Variants in RABGAP1L observed in about 807,000 individuals in gnomAD.
The protein encoded by RABGAP1L is RAB GTPase activating protein 1 like, also known as rab GTPase-activating protein 1-like.
A neutral mutation model predicts 137.7 loss-of-function variants in RABGAP1L; 63 were observed. That is an observed-to-expected ratio of 0.46 (90% CI 0.37 to 0.56). RABGAP1L has a LOEUF of 0.56. Among genes scored for constraint, RABGAP1L ranks in the 20% least tolerant of loss-of-function variants. The pLI is 0.00. For synonymous variants in RABGAP1L, 431 were observed against 433.7 expected, an observed-to-expected ratio of 0.99 and a Z score of 0.08; for missense variants, 1,095 against 1,244.0, an observed-to-expected ratio of 0.88 and a Z score of 1.80.
At chr1:174,298,970 C>G (rs1188088540) in intron 10 of RABGAP1L, among the ~76,000 whole-genome samples, 1 of 152,176 alleles carries the variant, frequency 6.6e-6, no homozygotes, top group Non-Finnish European at 1.5e-5. Flanking sequence ...TAGGTGAAAA[C>G]TTAAAAACAA....
chr1:174,518,461 C>T (rs945217551), intron 13 of RABGAP1L, among the ~76,000 whole-genome samples: 3 of 152,018 alleles, frequency 2.0e-5, no homozygotes, highest in Non-Finnish European at 4.4e-5. Flanking sequence ...ATTTAAATAG[C>T]TATTAAGTGT....
rs1676130643 is a variant in RABGAP1L at position 174,658,480 on chromosome 1, T to A, written c.1824+20992T>A. Among the ~76,000 whole-genome samples, 4 of 152,208 alleles carry A rather than the reference T, an allele frequency of 2.6e-5. 1 individual carries two copies. In the South Asian group the frequency reaches 8.3e-4, roughly 32 times the overall value. On this transcript the variant is annotated intron_variant, in intron 14 of 25. Transcript: ENST00000681986. ...GGGAGAAATGTAGCTCCCATTATCC[T>A]TAATATATTTATCTTTTTGAGCAGT...
At chr1:174,596,461 T>G (rs781236566) in intron 13 of RABGAP1L, among the ~76,000 whole-genome samples, 4 of 152,218 alleles carry the variant, frequency 2.6e-5, no homozygotes, top group African/African-American at 9.6e-5. Flanking sequence ...TCCTAGATAA[T>G]TTATTTGTAG....
Position 174,242,024 on chromosome 1 carries a change from T to G in RABGAP1L, c.717+367T>G, listed in dbSNP as rs548016259. Among the ~76,000 whole-genome samples, 8 of 152,352 alleles carry G rather than the reference T, an allele frequency of 5.3e-5. No homozygotes were observed. In the East Asian group the frequency reaches 1.3e-3, roughly 26 times the overall value. On this transcript the variant is annotated intron_variant, in intron 5 of 25. Coordinates refer to ENST00000681986, the MANE Select transcript of RABGAP1L (RefSeq NM_001366446.1). ...AAAAGTGCCTATAACGATACCTGTT[T>G]CTCTGATGGGCTTGATAGTTGCATA...
chr1:174,663,785 G>A (rs1267103656), intron 14 of RABGAP1L, among the ~76,000 whole-genome samples: 2 of 152,144 alleles, frequency 1.3e-5, no homozygotes, highest in Non-Finnish European at 2.9e-5. Flanking sequence ...TCAAGTTCAG[G>A]TGGAACAAGT....
At chr1:174,970,041 AAAAC>A (rs1235483726) in intron 21 of RABGAP1L, among the ~76,000 whole-genome samples, 1 of 152,238 alleles carries the variant, frequency 6.6e-6, no homozygotes, top group Non-Finnish European at 1.5e-5. Flanking sequence ...TTCAAAAACA[AAAAC>A]AAAAACTGTG....
intron 11 of RABGAP1L, among the ~76,000 whole-genome samples, chr1:174,316,980 A>G (rs1451114597): frequency 6.6e-6 from 1 of 152,006 alleles, no homozygotes; most frequent in Non-Finnish European, 1.5e-5. Context: ...TTTAAGGTCC[A>G]AGGGCTCTGA....
At chr1:174,322,217 A>C (rs182730184) in intron 11 of RABGAP1L, among the ~76,000 whole-genome samples, 1 of 152,202 alleles carries the variant, frequency 6.6e-6, no homozygotes. Flanking sequence ...TAGATTTTAC[A>C]TATAGGTCTG....
chr1:174,404,200 A>G (rs1648989447), intron 13 of RABGAP1L, among the ~76,000 whole-genome samples: 1 of 152,212 alleles, frequency 6.6e-6, no homozygotes, highest in South Asian at 2.1e-4. Flanking sequence ...TAGAATACAG[A>G]AGAGATCGTG....
intron 4 of RABGAP1L, among the ~76,000 whole-genome samples, chr1:174,234,359 G>GT (rs1670963398): frequency 7.5e-6 from 1 of 132,770 alleles, no homozygotes; most frequent in South Asian, 2.3e-4. Context: ...TGTCCTGAAT[G>GT]GTAATGCCTA....
intron 12 of RABGAP1L, among the ~76,000 whole-genome samples, chr1:174,380,314 G>T (rs1033035066): frequency 2.6e-5 from 4 of 152,254 alleles, no homozygotes; most frequent in Middle Eastern, 3.4e-3. Flanking sequence ...AAATGAGTTA[G>T]GGAGGATTCC....
chr1:174,398,007 G>T (rs1439302516), intron 13 of RABGAP1L, among the ~76,000 whole-genome samples: 1 of 152,164 alleles, frequency 6.6e-6, no homozygotes, highest in Non-Finnish European at 1.5e-5. Context: ...ATCTGAACCA[G>T]CCAAAGGAAG....
At position 174,435,170 on chromosome 1, in the gene RABGAP1L, C is replaced by G. The variant is rs1653110015; in HGVS notation, c.1710+41025C>G. ...AGGTAGCTGAGACTACAGGTGTGCACCACCACACCCAGCTAAATTTTGTTT... is the reference window on the plus strand; with the variant it reads ...AGGTAGCTGAGACTACAGGTGTGCAGCACCACACCCAGCTAAATTTTGTTT... On this transcript the variant is annotated intron_variant, in intron 13 of 25. Transcript: ENST00000681986. Among the ~76,000 whole-genome samples, 3 of 152,038 alleles carry G rather than the reference C, an allele frequency of 2.0e-5. No homozygotes were observed. In the South Asian group the frequency reaches 6.2e-4, roughly 31 times the overall value.
At chr1:174,944,159 G>C (rs1348906927) in intron 19 of RABGAP1L, among the ~76,000 whole-genome samples, 3 of 150,196 alleles carry the variant, frequency 2.0e-5, no homozygotes, top group Non-Finnish European at 4.4e-5. Context: ...TGTAATCCTA[G>C]CTACTTACTC....
intron 19 of RABGAP1L, among the ~76,000 whole-genome samples, chr1:174,827,059 G>A (rs371156808): frequency 2.0e-5 from 3 of 152,120 alleles, no homozygotes; most frequent in African/African-American, 7.2e-5. Flanking sequence ...GTTTCCACAT[G>A]GGATGGTCAC....
intron 13 of RABGAP1L, among the ~76,000 whole-genome samples, chr1:174,546,891 G>A (rs998043580): frequency 2.0e-5 from 3 of 150,982 alleles, no homozygotes; most frequent in Non-Finnish European, 3.0e-5. Context: ...TTAGCCGGGC[G>A]TGGTGGCGGG....
At chr1:174,895,540 C>G (rs1657002180) in intron 19 of RABGAP1L, among the ~76,000 whole-genome samples, 1 of 151,588 alleles carries the variant, frequency 6.6e-6, no homozygotes, top group African/African-American at 2.4e-5. Context: ...TGTGCTGCAA[C>G]CATTAACTTG....
intron 19 of RABGAP1L, among the ~76,000 whole-genome samples, chr1:174,890,024 C>T (rs1011631719): frequency 1.3e-5 from 2 of 152,210 alleles, no homozygotes; most frequent in South Asian, 2.1e-4. Context: ...TGAGCCACCA[C>T]TCCCAGCCTT....
chr1:174,173,853 G>C (rs922517514), intron 1 of RABGAP1L, among the ~76,000 whole-genome samples: 1 of 152,108 alleles, frequency 6.6e-6, no homozygotes, highest in Non-Finnish European at 1.5e-5. Flanking sequence ...TGGAATATCT[G>C]AGTTGAGTTT....
Sources: allele counts gnomAD v4.1 joint callset (sites outside exome capture counted in the v4.1 genomes callset), GRCh38; gene constraint gnomAD v4.1.1; transcripts MANE v1.5; gene names NCBI Gene and HGNC (gene_info 2026-07-23, HGNC 2026-07-21).